TAF3: variants seen among roughly 807,000 people sequenced by gnomAD.
TAF3 encodes the protein TATA-box binding protein associated factor 3, also known as transcription initiation factor TFIID subunit 3.
TAF3 carries 7 observed loss-of-function variants against 80.6 expected under a neutral mutation model. The observed-to-expected ratio is 0.09, with a 90% CI of 0.05 to 0.16. TAF3 has a LOEUF of 0.16. TAF3 is among the 10% of genes least tolerant of loss of function. The pLI, the probability that TAF3 is intolerant of heterozygous loss-of-function variation, is 1.00. For synonymous variants in TAF3, 444 were observed against 446.1 expected (o/e 1.00, Z 0.06); for missense variants, 921 against 1,140.2 (o/e 0.81, Z 2.77).
chr10:7,878,168 C>G (rs1039967385), intron 2 of TAF3, among the ~76,000 whole-genome samples: 7 of 152,086 alleles, frequency 4.6e-5, no homozygotes, highest in African/African-American at 1.7e-4. Flanking sequence ...AGGAGCAGAT[C>G]CTGATTTTGT....
At chr10:7,910,144 C>T (rs1837644313) in intron 2 of TAF3, among the ~76,000 whole-genome samples, 1 of 152,106 alleles carries the variant, frequency 6.6e-6, no homozygotes, top group African/African-American at 2.4e-5. Context: ...GATGCACAGC[C>T]TGTAGGTAGG....
chr10:7,950,149 G>A (rs1221829128), intron 2 of TAF3, among the ~76,000 whole-genome samples: 2 of 152,188 alleles, frequency 1.3e-5, no homozygotes, highest in Admixed American at 1.3e-4. Context: ...AAACAGACAA[G>A]AAATGCATGA....
chr10:7,965,480 C>T lies in TAF3; in HGVS notation c.1970C>T (p.Pro657Leu). The T allele has an allele frequency of 1.2e-6, 2 of 1,609,324 alleles. No individual in the cohort carries two copies. The highest frequency in any genetic ancestry group is 8.5e-7 in the Non-Finnish European group (1 of 1,178,934). The change falls in exon 3 of 7, where the codon CCC (proline) becomes CTC (leucine). Residue 657 changes from proline (P) to leucine (L), a missense_variant. Pro to Leu is a moderately conservative substitution (Grantham distance 98). This residue lies in a region of TAF3 where 743 missense variants were observed against 821.0 expected (regional missense o/e 0.90). Coordinates refer to ENST00000344293, the MANE Select transcript of TAF3 (RefSeq NM_031923.4). Reference sequence around the variant, plus strand: ...GCCCCAGCACCCCCACTGGTGTTGCCCCCAAAAGAGTTGGCCCTGCCCTTG... The same window carrying T: ...GCCCCAGCACCCCCACTGGTGTTGCTCCCAAAAGAGTTGGCCCTGCCCTTG... ...MKAPAPPLVL[P>L]PKELALPLFS...
chr10:7,966,590 C>T (rs1831573623), intron 3 of TAF3, among the ~76,000 whole-genome samples: 1 of 152,162 alleles, frequency 6.6e-6, no homozygotes, highest in South Asian at 2.1e-4. Context: ...GAAAAAGTAT[C>T]TCTTCATAGT....
chr10:7,841,481 G>A (rs1441160398), intron 2 of TAF3, among the ~76,000 whole-genome samples: 2 of 152,232 alleles, frequency 1.3e-5, no homozygotes, highest in Non-Finnish European at 2.9e-5. Flanking sequence ...ATAAACATCA[G>A]AGGTCTCTAA....
intron 2 of TAF3, among the ~76,000 whole-genome samples, chr10:7,862,069 G>T (rs1837153916): frequency 6.6e-6 from 1 of 152,056 alleles, no homozygotes; most frequent in Non-Finnish European, 1.5e-5. Context: ...TACACATGCA[G>T]TTAAGTTTGA....
At chr10:8,006,179 TACACACAC>T (rs59502450) in intron 4 of TAF3, among the ~76,000 whole-genome samples, 39,715 of 134,424 alleles carry the variant, frequency 0.3, 6,080 homozygotes, top group Non-Finnish European at 0.35. Context: ...AAAAAAAAAA[TACACACAC>T]ACACACACAC....
At chr10:7,950,036 CTAA>C (rs1838066631) in intron 2 of TAF3, among the ~76,000 whole-genome samples, 2 of 152,252 alleles carry the variant, frequency 1.3e-5, no homozygotes, top group South Asian at 4.1e-4. Flanking sequence ...TCTCATTTTT[CTAA>C]TAATAGCACT....
chr10:7,974,696 G>C (rs1011865598), intron 3 of TAF3, among the ~76,000 whole-genome samples: 10 of 152,162 alleles, frequency 6.6e-5, no homozygotes, highest in African/African-American at 1.9e-4. Context: ...AGACAATGAA[G>C]TGAAGATTGA....
At chr10:7,833,594 C>A in intron 2 of TAF3, 1 of 159,878 alleles carries the variant, frequency 6.3e-6, no homozygotes. Context: ...TGATTTATTA[C>A]AAGTCCCCAA....
intron 2 of TAF3, among the ~76,000 whole-genome samples, chr10:7,839,109 C>T (rs1157805076): frequency 2.0e-5 from 3 of 151,930 alleles, no homozygotes; most frequent in Admixed American, 6.6e-5. Context: ...ACTTGCCCCT[C>T]GTTGCTTCGT....
intron 2 of TAF3, among the ~76,000 whole-genome samples, chr10:7,937,099 T>G (rs1837928918): frequency 6.6e-6 from 1 of 152,234 alleles, no homozygotes; most frequent in East Asian, 1.9e-4. Flanking sequence ...AGCGACCTCT[T>G]CATTGTTTCC....
At chr10:7,864,673 G>A (rs1837191997) in intron 2 of TAF3, among the ~76,000 whole-genome samples, 1 of 152,084 alleles carries the variant, frequency 6.6e-6, no homozygotes, top group African/African-American at 2.4e-5. Context: ...TTATTCAGCT[G>A]TGAAAGTTCT....
intron 4 of TAF3, among the ~76,000 whole-genome samples, chr10:7,998,527 C>T (rs1394756979): frequency 6.6e-6 from 1 of 151,900 alleles, no homozygotes; most frequent in Non-Finnish European, 1.5e-5. Flanking sequence ...CATTATCAGG[C>T]CTTATAGGTA....
At chr10:7,961,286 C>T (rs1465616408) in intron 2 of TAF3, among the ~76,000 whole-genome samples, 1 of 152,114 alleles carries the variant, frequency 6.6e-6, no homozygotes, top group East Asian at 1.9e-4. Flanking sequence ...TGGGTGATGC[C>T]ATCATTATCG....
chr10:7,884,392 C>CTTTTTT lies in TAF3; in HGVS notation c.409+59838_409+59843dup, dbSNP rs61498355. On this transcript the variant is annotated intron_variant, in intron 2 of 6. Coordinates refer to ENST00000344293, the MANE Select transcript of TAF3 (RefSeq NM_031923.4). ...CCGTTTCTCCAAAGAGCTCTGCCTC[C>CTTTTTT]TTTTTTTTTTTGAGATGGAGTTTTG... Among the ~76,000 whole-genome samples, 3 of 120,498 alleles carry CTTTTTT rather than the reference C, an allele frequency of 2.5e-5. 1 individual carries two copies. Among genetic ancestry groups the CTTTTTT allele is most frequent in the Admixed American group, 1.9e-4 (2 of 10,320 alleles). The allele number at this position is 120,498 out of a possible 152,430, so 79.1% of individuals were successfully genotyped here.
rs1831559720 is a variant in TAF3 at position 7,965,382 on chromosome 10, G to A, written c.1872G>A (p.Glu624=). ...EKHKDKKKDR[E]KGKKDKDKRE... Reference sequence around the variant, plus strand: ...ATAAAGATAAGAAGAAAGATAGAGAGAAAGGCAAGAAAGATAAAGATAAGA... The same window carrying A: ...ATAAAGATAAGAAGAAAGATAGAGAAAAAGGCAAGAAAGATAAAGATAAGA... Residue 624 remains glutamate (E), a synonymous_variant, in exon 3 of 7, where the codon GAG becomes GAA. Coordinates refer to ENST00000344293, the MANE Select transcript of TAF3 (RefSeq NM_031923.4). 1 of 1,608,202 alleles carries A rather than the reference G, an allele frequency of 6.2e-7. No individual in the cohort carries two copies. Among genetic ancestry groups the A allele is most frequent in the Non-Finnish European group, 8.5e-7 (1 of 1,178,652 alleles).
intron 5 of TAF3, among the ~76,000 whole-genome samples, chr10:8,013,025 A>G (rs1176076228): frequency 6.6e-6 from 1 of 152,236 alleles, no homozygotes; most frequent in Non-Finnish European, 1.5e-5. Flanking sequence ...TTCCCTCTTT[A>G]GAACTGCTAA....
At chr10:7,832,558 A>T (rs1836812199) in intron 2 of TAF3, among the ~76,000 whole-genome samples, 1 of 151,954 alleles carries the variant, frequency 6.6e-6, no homozygotes, top group Admixed American at 6.6e-5. Context: ...TTATTTATTT[A>T]TTTTTGAGAC....
Sources: gnomAD v4.1 joint callset for allele counts (sites outside exome capture counted in the v4.1 genomes callset) on GRCh38, gnomAD v4.1.1 for gene constraint, gnomAD v4.1.1 regional missense constraint, MANE v1.5 for transcripts, NCBI Gene and HGNC (gene_info 2026-07-23, HGNC 2026-07-21) for gene names.